GRIN2A: variants seen among roughly 807,000 people sequenced by gnomAD.
GRIN2A encodes glutamate receptor ionotropic, NMDA 2A.
A neutral mutation model predicts 113.4 loss-of-function variants in GRIN2A; 22 were observed. The observed-to-expected ratio is 0.19, with a 90% CI of 0.14 to 0.28. The LOEUF (loss-of-function observed/expected upper bound fraction) is 0.28, where lower values mean the gene tolerates loss of function less well. GRIN2A is among the 10% of genes least tolerant of loss of function. The pLI is 1.00. For synonymous variants in GRIN2A, 827 were observed against 738.4 expected (o/e 1.12, Z -1.94); for missense variants, 1,502 against 1,887.0 (o/e 0.80, Z 3.78).
intron 2 of GRIN2A, among the ~76,000 whole-genome samples, chr16:10,164,470 C>G (rs1035925815): frequency 6.6e-6 from 1 of 152,214 alleles, no homozygotes; most frequent in Admixed American, 6.5e-5. Flanking sequence ...GCCTGGGACA[C>G]GAACATGACT....
At chr16:10,015,273 A>AAAAAAAAAAAAAAAAAAAAAAAAAAAAG (rs2046586801) in intron 2 of GRIN2A, among the ~76,000 whole-genome samples, 1 of 107,168 alleles carries the variant, frequency 9.3e-6, no homozygotes, top group Non-Finnish European at 1.9e-5. Context: ...AAAAAAAAAG[A>AAAAAAAAAAAAAAAAAAAAAAAAAAAAG]AAAAAAAAAA....
chr16:9,827,611 G>A (rs1319911415), intron 9 of GRIN2A, among the ~76,000 whole-genome samples: 1 of 152,196 alleles, frequency 6.6e-6, no homozygotes, highest in East Asian at 1.9e-4. Context: ...CAAAGATTGA[G>A]GGAACTTAAA....
At chr16:10,007,794 G>C (rs1192306201) in intron 2 of GRIN2A, among the ~76,000 whole-genome samples, 1 of 152,168 alleles carries the variant, frequency 6.6e-6, no homozygotes, top group Non-Finnish European at 1.5e-5. Flanking sequence ...TGTGTAGCTG[G>C]AGACAGATTT....
intron 7 of GRIN2A, among the ~76,000 whole-genome samples, chr16:9,836,047 C>A (rs2042579191): frequency 6.6e-6 from 1 of 152,170 alleles, no homozygotes; most frequent in South Asian, 2.1e-4. Flanking sequence ...GAAATAATAG[C>A]AATTTAATAC....
At chr16:9,946,077 A>G (rs2045010593) in intron 2 of GRIN2A, among the ~76,000 whole-genome samples, 1 of 152,190 alleles carries the variant, frequency 6.6e-6, no homozygotes, top group African/African-American at 2.4e-5. Flanking sequence ...AATTAGGACC[A>G]CACAATGATC....
chr16:10,103,454 A>C (rs2048437989), intron 2 of GRIN2A, among the ~76,000 whole-genome samples: 1 of 152,258 alleles, frequency 6.6e-6, no homozygotes, highest in African/African-American at 2.4e-5. Context: ...GAAGAATCTC[A>C]GCCACATATA....
At chr16:10,166,665 A>T (rs1040751233) in intron 2 of GRIN2A, among the ~76,000 whole-genome samples, 1 of 152,222 alleles carries the variant, frequency 6.6e-6, no homozygotes, top group Non-Finnish European at 1.5e-5. Context: ...GCATCCACAA[A>T]GCATTTTGGT....
chr16:9,758,195 T>C lies in GRIN2A; in HGVS notation c.*4954A>G, dbSNP rs1164821775. On this transcript the variant is annotated 3_prime_UTR_variant, in exon 13 of 13. Coordinates refer to ENST00000330684, the MANE Select transcript of GRIN2A (RefSeq NM_001134407.3). ...GGGCAGGCACTTCTAGCTAATACTA[T>C]ACTGAAAGTACTGCTGGGCACAGAA... The C allele has an allele frequency of 4.6e-6, 1 of 218,976 alleles. No individual in the cohort carries two copies. Among genetic ancestry groups the C allele is most frequent in the Non-Finnish European group, 9.2e-6 (1 of 109,054 alleles). 13.6% of individuals were successfully genotyped at this position (218,976 alleles called of 1,614,324 possible).
Position 10,052,705 on chromosome 16 carries a change from C to A in GRIN2A, c.415-114154G>T, listed in dbSNP as rs762477797. 1.0e-3 allele frequency among the ~76,000 whole-genome samples: 155 copies of A among 152,276 alleles called. 3 individuals carry two copies. Among genetic ancestry groups the A allele is most frequent in the Non-Finnish European group, 1.2e-3 (80 of 68,018 alleles). ...TTCAATCACTAGAGCAAATTCCACCCAAACTGGGAGCTTCTCCTAAATGGA... is the reference window on the plus strand; with the variant it reads ...TTCAATCACTAGAGCAAATTCCACCAAAACTGGGAGCTTCTCCTAAATGGA... On this transcript the variant is annotated intron_variant, in intron 2 of 12. Transcript: ENST00000330684.
intron 2 of GRIN2A, among the ~76,000 whole-genome samples, chr16:10,032,155 T>C (rs1238272643): frequency 6.6e-6 from 1 of 152,258 alleles, no homozygotes; most frequent in East Asian, 1.9e-4. Flanking sequence ...CCCCATTTTA[T>C]GCTGAGCCTA....
At chr16:9,832,086 TTTTATTTATTTATTTA>T (rs35044218) in intron 8 of GRIN2A, among the ~76,000 whole-genome samples, 316 of 135,654 alleles carry the variant, frequency 2.3e-3, no homozygotes, top group East Asian at 0.011. Context: ...GCCAGGCTTA[TTTTATTTATTTATTTA>T]TTTATTTATT....
intron 2 of GRIN2A, among the ~76,000 whole-genome samples, chr16:10,040,129 C>T (rs1401090644): frequency 2.5e-4 from 1 of 3,926 alleles, no homozygotes; most frequent in African/African-American, 9.3e-4. Flanking sequence ...ACACTACACA[C>T]ATTCACACCA....
intron 2 of GRIN2A, among the ~76,000 whole-genome samples, chr16:10,145,694 T>C (rs1205251455): frequency 6.6e-6 from 1 of 152,212 alleles, no homozygotes; most frequent in African/African-American, 2.4e-5. Flanking sequence ...CATGCTTTTC[T>C]GTAAAGGGCC....
chr16:10,032,885 T>C (rs1567247636), intron 2 of GRIN2A, among the ~76,000 whole-genome samples: 1 of 152,316 alleles, frequency 6.6e-6, no homozygotes, highest in East Asian at 1.9e-4. Flanking sequence ...ATGGAGAGTT[T>C]CCTTATCATT....
intron 2 of GRIN2A, among the ~76,000 whole-genome samples, chr16:9,990,072 C>T (rs1006950517): frequency 3.9e-5 from 6 of 152,122 alleles, no homozygotes; most frequent in African/African-American, 1.4e-4. Flanking sequence ...ACCAAAAATC[C>T]CCTGCACTCA....
chr16:9,912,128 G>C (rs1229866814), intron 3 of GRIN2A, among the ~76,000 whole-genome samples: 1 of 151,978 alleles, frequency 6.6e-6, no homozygotes, highest in African/African-American at 2.4e-5. Flanking sequence ...GGTGGTGATG[G>C]TAATGACGAT....
intron 12 of GRIN2A, among the ~76,000 whole-genome samples, chr16:9,765,989 T>C (rs1252809683): frequency 6.6e-6 from 1 of 152,210 alleles, no homozygotes; most frequent in African/African-American, 2.4e-5. Context: ...TCAACTGTTA[T>C]CAAGGGAAGA....
chr16:9,979,037 CA>C (rs1489759837), intron 2 of GRIN2A, among the ~76,000 whole-genome samples: 28 of 152,326 alleles, frequency 1.8e-4, no homozygotes, highest in Middle Eastern at 3.4e-3. Flanking sequence ...GCCTCTCTTA[CA>C]ATGCGGGTCC....
intron 2 of GRIN2A, among the ~76,000 whole-genome samples, chr16:10,103,374 AAT>A (rs2048436782): frequency 6.6e-6 from 1 of 152,224 alleles, no homozygotes; most frequent in African/African-American, 2.4e-5. Flanking sequence ...CAGAGCAGAA[AAT>A]ATATGAGTCT....
Sources: allele counts gnomAD v4.1 joint callset (sites outside exome capture counted in the v4.1 genomes callset), GRCh38; gene constraint gnomAD v4.1.1; transcripts MANE v1.5; gene names NCBI Gene and HGNC (gene_info 2026-07-23, HGNC 2026-07-21).